Variants in MYB observed in about 807,000 individuals in gnomAD.
MYB encodes the protein MYB proto-oncogene, transcription factor.
In MYB, 28 loss-of-function variants were observed where a neutral mutation model predicts 92.9. That is an observed-to-expected ratio of 0.30 (90% CI 0.22 to 0.41). MYB has a LOEUF of 0.41. MYB is among the 10% of genes least tolerant of loss of function. The probability of loss-of-function intolerance (pLI) is 1.00; values close to 1 mark genes in which losing one functional copy is unlikely to be tolerated. For synonymous variants in MYB, 295 were observed against 329.1 expected, an observed-to-expected ratio of 0.90 and a Z score of 1.12; for missense variants, 679 against 929.3, an observed-to-expected ratio of 0.73 and a Z score of 3.50.
chr6:135,185,365 T>G (rs886652727), intron 1 of MYB, among the ~76,000 whole-genome samples: 1 of 152,252 alleles, frequency 6.6e-6, no homozygotes, highest in African/African-American at 2.4e-5. Context: ...TCCTCTAGAC[T>G]TTATGGGATC....
chr6:135,206,457 G>C (rs899855944), intron 15 of MYB, among the ~76,000 whole-genome samples: 3 of 151,974 alleles, frequency 2.0e-5, no homozygotes, highest in Non-Finnish European at 4.4e-5. Context: ...CAGCACTTTG[G>C]GAGGCAGAGG....
chr6:135,193,567 T>C (rs975340173), intron 6 of MYB, among the ~76,000 whole-genome samples: 1 of 152,158 alleles, frequency 6.6e-6, no homozygotes, highest in Non-Finnish European at 1.5e-5. Flanking sequence ...TTTTTTTCAT[T>C]GTGTTTTTCT....
At position 135,182,246 on chromosome 6, in the gene MYB, G is replaced by T. The variant is rs1027092220; in HGVS notation, c.23+710G>T. 1.3e-5 allele frequency among the ~76,000 whole-genome samples: 2 copies of T among 152,196 alleles called. No individual in the cohort carries two copies. The highest frequency in any genetic ancestry group is 2.9e-5 in the Non-Finnish European group (2 of 68,040). ...TCACTGCACTTAGGGAGGCTCGCCG[G>T]GAAGATGGGTGCAGTCCCTTCACAT... On this transcript the variant is annotated intron_variant, in intron 1 of 15. Transcript: ENST00000341911. This position sits in a 1 kb window ranked among gnomAD's most constrained non-coding sequence, Gnocchi z 5.6.
At chr6:135,189,978 A>C (rs1776431428) in intron 4 of MYB, 95 bp downstream of exon 4, 7 of 1,430,358 alleles carry the variant, frequency 4.9e-6, no homozygotes, top group Non-Finnish European at 6.8e-6. Context: ...AAATGGGCAA[A>C]CAGGAAGTAG....
chr6:135,183,279 G>A (rs1775410594), intron 1 of MYB, among the ~76,000 whole-genome samples: 1 of 152,118 alleles, frequency 6.6e-6, no homozygotes, highest in Admixed American at 6.5e-5. Context: ...ACTCGGCAGG[G>A]ATTATATTAA....
At chr6:135,197,414 T>A in intron 10 of MYB, 91 bp downstream of exon 10, 3 of 1,136,190 alleles carry the variant, frequency 2.6e-6, no homozygotes, top group Non-Finnish European at 3.8e-6. Context: ...AACAAATGAC[T>A]AATTACTGCT....
intron 15 of MYB, among the ~76,000 whole-genome samples, chr6:135,212,224 C>CTTTTTTTTTTTTTTTTTTTT (rs545704827): frequency 3.0e-5 from 1 of 32,886 alleles, no homozygotes; most frequent in Non-Finnish European, 5.3e-5. Context: ...TTTGGTTTTA[C>CTTTTTTTTTTTTTTTTTTTT]TTTTTTTTTT....
Position 135,218,244 on chromosome 6 carries a change from T to C in MYB, c.*264T>C. Reference sequence around the variant, plus strand: ...CCAGTTGTTAATATCTTAATGCAGATTTTTTTAAAAAAAACATAAAATGAT... The same window carrying C: ...CCAGTTGTTAATATCTTAATGCAGACTTTTTTAAAAAAAACATAAAATGAT... On this transcript the variant is annotated 3_prime_UTR_variant, in exon 16 of 16. Transcript: ENST00000341911. 6.1e-6 allele frequency: 2 copies of C among 328,908 alleles called. No individual in the cohort carries two copies. Among genetic ancestry groups the C allele is most frequent in the Non-Finnish European group, 5.4e-6 (1 of 186,656 alleles). The allele number at this position is 328,908 out of a possible 1,614,324, so 20.4% of individuals were successfully genotyped here.
chr6:135,211,510 C>T (rs985599215), intron 15 of MYB, among the ~76,000 whole-genome samples: 3 of 151,982 alleles, frequency 2.0e-5, no homozygotes, highest in African/African-American at 7.3e-5. Flanking sequence ...TAAAAATCTT[C>T]CTTGGGCAGG....
At chr6:135,184,076 A>C (rs1471955188) in intron 1 of MYB, among the ~76,000 whole-genome samples, 2 of 152,142 alleles carry the variant, frequency 1.3e-5, no homozygotes, top group Non-Finnish European at 2.9e-5. Flanking sequence ...CTGGGTTGTT[A>C]AACCGCTGCG....
chr6:135,210,569 T>G (rs545140986), intron 15 of MYB, among the ~76,000 whole-genome samples: 1 of 152,370 alleles, frequency 6.6e-6, no homozygotes, highest in South Asian at 2.1e-4. Context: ...TTCAAAAAAA[T>G]AAGGCAAGCC....
intron 15 of MYB, among the ~76,000 whole-genome samples, chr6:135,206,566 C>G (rs1000519028): frequency 6.6e-6 from 1 of 150,820 alleles, no homozygotes; most frequent in Non-Finnish European, 1.5e-5. Flanking sequence ...CGTGGTGGTG[C>G]GCACATGTAA....
At position 135,196,005 on chromosome 6, in the gene MYB, A is replaced by G. The variant is rs1777241443; in HGVS notation, c.1203+3A>G. 1 of 1,611,206 alleles carries G rather than the reference A, an allele frequency of 6.2e-7. No homozygotes were observed. The highest frequency in any genetic ancestry group is 1.7e-5 in the Admixed American group (1 of 59,910). ...AAACACTCCAATTTATAGATTCTGTAAGTAGAATTGTGAAGGGAAGTTAAC... is the reference window on the plus strand; with the variant it reads ...AAACACTCCAATTTATAGATTCTGTGAGTAGAATTGTGAAGGGAAGTTAAC... On this transcript the variant is annotated splice_donor_region_variant and intron_variant, in intron 9 of 15. Coordinates refer to ENST00000341911, the MANE Select transcript of MYB (RefSeq NM_001130173.2).
chr6:135,192,793 G>A (rs1000752035), intron 6 of MYB, among the ~76,000 whole-genome samples: 2 of 152,182 alleles, frequency 1.3e-5, no homozygotes, highest in Non-Finnish European at 2.9e-5. Context: ...AGCTCATAGA[G>A]ATAGTGCTGA....
Position 135,199,035 on chromosome 6 carries a change from A to C in MYB, c.1694A>C (p.Gln565Pro), listed in dbSNP as rs1395649197. The C allele has an allele frequency of 1.9e-6, 3 of 1,604,206 alleles. No individual in the cohort carries two copies. The highest frequency in any genetic ancestry group is 1.1e-5 in the South Asian group (1 of 88,616). The change falls in exon 11 of 16, where the codon CAA becomes CCA. Residue 565 changes from glutamine to proline, a missense_variant. By Grantham distance (76) the Gln-to-Pro change is moderately conservative. Around this residue, in one of 8 missense-constraint regions of MYB, gnomAD observed 402 missense variants for 434.2 expected, o/e 0.93. Coordinates refer to ENST00000341911, the MANE Select transcript of MYB (RefSeq NM_001130173.2). ...PFHRDQTVKT[Q>P]KENTVFRTPA... ...CATAGAGACCAGACTGTGAAAACTC[A>C]AAAGGAAAATACTGTGTAAGTCTTT...
At chr6:135,194,489 G>A in intron 8 of MYB, 29 bp downstream of exon 8, 1 of 1,514,966 alleles carries the variant, frequency 6.6e-7, no homozygotes, top group Non-Finnish European at 9.1e-7. Context: ...GCTTGAATGA[G>A]GGGATAGCAG....
At position 135,187,913 on chromosome 6, in the gene MYB, A is replaced by G. The variant is rs1396460314; in HGVS notation, c.213+8A>G. ...ATTGCCAATTATCTCCCGGTAAGTT[A>G]GTAAGTTTTTCTTATAACGAAAGGA... is the stretch of plus-strand genomic sequence containing the variant. On this transcript the variant is annotated splice_region_variant and intron_variant, in intron 3 of 15. Transcript: ENST00000341911. 1 of 1,599,792 alleles carries G rather than the reference A, an allele frequency of 6.3e-7. No homozygotes were observed. The highest frequency in any genetic ancestry group is 2.2e-5 in the East Asian group (1 of 44,658).
intron 8 of MYB, chr6:135,195,301 G>A (rs891301722): frequency 3.4e-6 from 1 of 296,964 alleles, no homozygotes. Context: ...GCATTAGAAA[G>A]GGATAGAAGC....
chr6:135,189,717 A>G, intron 3 of MYB, 74 bp from the exon 4 acceptor site: 1 of 1,228,522 alleles, frequency 8.1e-7, no homozygotes, highest in Non-Finnish European at 1.2e-6. Context: ...TCTATGTGTG[A>G]TTCCTATTAC....
Sources: gnomAD v4.1 joint callset for allele counts (sites outside exome capture counted in the v4.1 genomes callset) on GRCh38, gnomAD v4.1.1 for gene constraint, gnomAD v4.1.1 regional missense constraint, Gnocchi (gnomAD v3.1) non-coding constraint, MANE v1.5 for transcripts, NCBI Gene and HGNC (gene_info 2026-07-23, HGNC 2026-07-21) for gene names.